The following LRRC8C variants were observed in gnomAD, a reference collection of about 807,000 sequenced individuals.
The protein encoded by LRRC8C is volume-regulated anion channel subunit LRRC8C.
In LRRC8C, 20 loss-of-function variants were observed where a neutral mutation model predicts 55.3. The ratio of observed to expected loss-of-function variants is 0.36; its 90% CI spans 0.25 to 0.53. The LOEUF is 0.53. Among genes scored for constraint, LRRC8C ranks in the 20% least tolerant of loss-of-function variants. The pLI, the probability that LRRC8C is intolerant of heterozygous loss-of-function variation, is 0.92. For synonymous variants in LRRC8C, 376 were observed against 360.7 expected, an observed-to-expected ratio of 1.04 and a Z score of -0.48; for missense variants, 659 against 951.4, an observed-to-expected ratio of 0.69 and a Z score of 4.04.
chr1:89,695,358 C>T (rs529582470), intron 2 of LRRC8C, among the ~76,000 whole-genome samples: 2 of 152,310 alleles, frequency 1.3e-5, no homozygotes, highest in Admixed American at 1.3e-4. Context: ...ATTGGCATCT[C>T]CCTACTCAAG....
intron 1 of LRRC8C, among the ~76,000 whole-genome samples, chr1:89,640,080 T>G (rs889767360): frequency 1.3e-5 from 2 of 152,242 alleles, no homozygotes; most frequent in African/African-American, 4.8e-5. Flanking sequence ...ATTTTTCTTT[T>G]TTGAGATGGA....
At chr1:89,661,330 TA>T in intron 1 of LRRC8C, 1 of 358,352 alleles carries the variant, frequency 2.8e-6, no homozygotes, top group Non-Finnish European at 5.5e-6. Context: ...CTGTCCCAAC[TA>T]ACATCTGGAT....
At chr1:89,693,923 C>T (rs1658097763) in intron 2 of LRRC8C, among the ~76,000 whole-genome samples, 1 of 152,004 alleles carries the variant, frequency 6.6e-6, no homozygotes, top group Non-Finnish European at 1.5e-5. Context: ...TTCCAAAGTG[C>T]TGGGATTACA....
chr1:89,678,574 C>A (rs1657612443), intron 1 of LRRC8C, among the ~76,000 whole-genome samples: 1 of 152,108 alleles, frequency 6.6e-6, no homozygotes, highest in South Asian at 2.1e-4. Context: ...GTGGTGCATA[C>A]CTGTAATCCC....
chr1:89,698,303 G>A, intron 2 of LRRC8C, among the ~76,000 whole-genome samples: 1 of 152,158 alleles, frequency 6.6e-6, no homozygotes, highest in East Asian at 1.9e-4. Flanking sequence ...TGCCTTAGCT[G>A]TGGTTTGTTC....
chr1:89,646,637 C>G (rs2101189196), intron 1 of LRRC8C, among the ~76,000 whole-genome samples: 1 of 151,978 alleles, frequency 6.6e-6, no homozygotes, highest in East Asian at 1.9e-4. Context: ...TTAAAATAAC[C>G]TATAGCTAGC....
rs369644745 is a variant in LRRC8C at position 89,713,045 on chromosome 1, A to G, written c.475A>G (p.Ile159Val). The change falls in exon 3 of 3, where the codon ATC becomes GTC. Residue 159 changes from isoleucine (I) to valine (V), a missense_variant. By Grantham distance (29) the Ile-to-Val change is conservative. Around this residue, in one of 5 missense-constraint regions of LRRC8C, gnomAD observed 200 missense variants for 360.5 expected, o/e 0.55. Coordinates refer to ENST00000370454, the MANE Select transcript of LRRC8C (RefSeq NM_032270.5). The surrounding 1 kb of genome is among the most constrained non-coding windows in gnomAD (Gnocchi z 5.2). ...TTCCAGCTCCAAAATAGAACATTTC[A>G]TCTCCATTCTGGGGAAGTGTTTTGA... ...PGSSSKIEHF[I>V]SILGKCFDSP... is the part of the protein sequence containing the mutation. 5.6e-5 allele frequency: 91 copies of G among 1,613,552 alleles called. 2 individuals carry two copies. Among genetic ancestry groups the G allele is most frequent in the South Asian group, 5.6e-4 (51 of 91,086 alleles).
intron 1 of LRRC8C, among the ~76,000 whole-genome samples, chr1:89,649,521 AT>A (rs546216645): frequency 6.6e-6 from 1 of 151,902 alleles, no homozygotes; most frequent in African/African-American, 2.4e-5. Context: ...TCCAGAAAAG[AT>A]TTTTTTTAAG....
chr1:89,719,321 A>G lies in LRRC8C; in HGVS notation c.*4339A>G, dbSNP rs1658908594. 1 of 152,072 alleles carries G rather than the reference A, an allele frequency of 6.6e-6. No individual in the cohort carries two copies. Among genetic ancestry groups the G allele is most frequent in the South Asian group, 2.1e-4 (1 of 4,818 alleles). 9.4% of individuals were successfully genotyped at this position (152,072 alleles called of 1,614,324 possible). On this transcript the variant is annotated 3_prime_UTR_variant, in exon 3 of 3. Coordinates refer to ENST00000370454, the MANE Select transcript of LRRC8C (RefSeq NM_032270.5). The stretch of plus-strand genomic sequence containing the variant: ...TAATGAATATTTTTATTGGAGCTCA[A>G]ACTCCATGACTTACGTGCTCACTAA...
rs550629748 is a variant in LRRC8C, at chr1:89,718,195, C to A, written c.*3213C>A. On this transcript the variant is annotated 3_prime_UTR_variant, in exon 3 of 3. Coordinates refer to ENST00000370454, the MANE Select transcript of LRRC8C (RefSeq NM_032270.5). ...AGTGTAAGTTATTCTTCACCCACCC[C>A]TTCCCCTGCCATTGTATTTCCCATC... is the stretch of plus-strand genomic sequence containing the variant. 21 of 152,280 alleles carry A rather than the reference C, an allele frequency of 1.4e-4. No homozygotes were observed. Among genetic ancestry groups the A allele is most frequent in the Admixed American group, 1.4e-3 (21 of 15,302 alleles). 9.4% of individuals were successfully genotyped at this position (152,280 alleles called of 1,614,324 possible).
At chr1:89,666,536 T>C (rs1415238342) in intron 1 of LRRC8C, among the ~76,000 whole-genome samples, 4 of 152,134 alleles carry the variant, frequency 2.6e-5, no homozygotes, top group Non-Finnish European at 5.9e-5. Context: ...CTTTTCCAGC[T>C]CCATGCAGAT....
rs752708379 is a variant in LRRC8C, at chr1:89,713,839, T to G, written c.1269T>G (p.His423Gln). 6.2e-7 allele frequency: 1 copy of G among 1,614,180 alleles called. No individual in the cohort carries two copies. Among genetic ancestry groups the G allele is most frequent in the East Asian group, 2.2e-5 (1 of 44,888 alleles). The change falls in exon 3 of 3, where the codon CAT (histidine) becomes CAG (glutamine). Residue 423 changes from histidine to glutamine, a missense_variant. Physicochemically the swap from His to Gln is conservative, Grantham distance 24 (BLOSUM62 0). Around this residue, in one of 5 missense-constraint regions of LRRC8C, gnomAD observed 344 missense variants for 464.6 expected, o/e 0.74. Transcript: ENST00000370454. This position sits in a 1 kb window ranked among gnomAD's most constrained non-coding sequence, Gnocchi z 5.2. The stretch of plus-strand genomic sequence containing the variant: ...GGCAGAAGCTACAGACAAATGCCCA[T>G]AATCGACTGGAATTGCCTCTTATCA... ...KLRQKLQTNA[H>Q]NRLELPLIML...
At chr1:89,654,657 T>C (rs1656890466) in intron 1 of LRRC8C, among the ~76,000 whole-genome samples, 1 of 152,208 alleles carries the variant, frequency 6.6e-6, no homozygotes, top group Admixed American at 6.5e-5. Context: ...GACAACCACT[T>C]TCACTAAGAA....
chr1:89,655,421 A>G (rs192744433), intron 1 of LRRC8C, among the ~76,000 whole-genome samples: 17 of 152,228 alleles, frequency 1.1e-4, no homozygotes, highest in South Asian at 4.1e-4. Context: ...TCTTATTTAT[A>G]TCTGTCTTTC....
upstream of LRRC8C, chr1:89,629,788 T>G (rs569516800): frequency 1.3e-5 from 2 of 152,322 alleles, no homozygotes; most frequent in South Asian, 4.1e-4. Context: ...CCATGGTAAG[T>G]GCTGTGGTCA....
intron 1 of LRRC8C, among the ~76,000 whole-genome samples, chr1:89,636,441 A>T (rs1051354858): frequency 6.6e-6 from 1 of 152,192 alleles, no homozygotes; most frequent in Non-Finnish European, 1.5e-5. Context: ...ACATGTACTC[A>T]TTCTATAGTT....
Position 89,684,154 on chromosome 1 carries a change from C to A in LRRC8C, c.-4-2316C>A, listed in dbSNP as rs577482585. Among the ~76,000 whole-genome samples the A allele has an allele frequency of 1.1e-4, 16 of 152,216 alleles. 1 individual carries two copies. The South Asian group carries it at 3.3e-3, about 32-fold the overall frequency. On this transcript the variant is annotated intron_variant, in intron 1 of 2. Transcript: ENST00000370454. ...TGTATAGATGTAACCCATGTAAATA[C>A]TTCAGGGTTCTCCTCATTGTTTTAG... is the stretch of plus-strand genomic sequence containing the variant.
At chr1:89,642,866 A>G (rs567597529) in intron 1 of LRRC8C, among the ~76,000 whole-genome samples, 1 of 151,708 alleles carries the variant, frequency 6.6e-6, no homozygotes, top group African/African-American at 2.4e-5. Flanking sequence ...AAAAATACAA[A>G]AATTAACTGG....
chr1:89,698,167 C>T (rs1298965778), intron 2 of LRRC8C, among the ~76,000 whole-genome samples: 1 of 152,182 alleles, frequency 6.6e-6, no homozygotes, highest in South Asian at 2.1e-4. Context: ...TTAGGAATCA[C>T]TAGACTGATA....
Sources: allele counts gnomAD v4.1 joint callset (sites outside exome capture counted in the v4.1 genomes callset), GRCh38; gene constraint gnomAD v4.1.1; regional missense constraint gnomAD v4.1.1; non-coding constraint Gnocchi (gnomAD v3.1); transcripts MANE v1.5; gene names NCBI Gene and HGNC (gene_info 2026-07-23, HGNC 2026-07-21).